C4BPA: variants seen among roughly 807,000 people sequenced by gnomAD.
C4BPA encodes C4b-binding protein alpha chain.
A neutral mutation model predicts 63.7 loss-of-function variants in C4BPA; 31 were observed. The observed-to-expected ratio is 0.49, with a 90% CI of 0.37 to 0.66. The LOEUF (loss-of-function observed/expected upper bound fraction) is 0.66. Among genes scored for constraint, C4BPA ranks in the 30% least tolerant of loss-of-function variants. C4BPA has a pLI of 0.00. For missense variants in C4BPA, 572 were observed against 723.3 expected, an observed-to-expected ratio of 0.79 and a Z score of 2.40; for synonymous variants, 259 against 254.7, an observed-to-expected ratio of 1.02 and a Z score of -0.16.
At chr1:207,137,797 T>C (rs1685320194) in intron 9 of C4BPA, among the ~76,000 whole-genome samples, 1 of 152,196 alleles carries the variant, frequency 6.6e-6, no homozygotes, top group South Asian at 2.1e-4. Flanking sequence ...TTTGTATTTT[T>C]AGTAGAGACA....
At chr1:207,128,107 C>A (rs1367655900) in intron 7 of C4BPA, among the ~76,000 whole-genome samples, 4 of 152,114 alleles carry the variant, frequency 2.6e-5, no homozygotes, top group Non-Finnish European at 5.9e-5. Flanking sequence ...CTCTATGTTG[C>A]ACGAGAACTA....
chr1:207,118,179 A>C (rs900311426), intron 4 of C4BPA, among the ~76,000 whole-genome samples: 14 of 101,014 alleles, frequency 1.4e-4, no homozygotes, highest in Admixed American at 8.5e-4. Flanking sequence ...ATCTATCTAT[A>C]TCTATCTATC....
chr1:207,123,013 G>A (rs1395526791), intron 4 of C4BPA, among the ~76,000 whole-genome samples: 1 of 151,802 alleles, frequency 6.6e-6, no homozygotes, highest in Admixed American at 6.6e-5. Flanking sequence ...TTTCATTTTT[G>A]TTGATTTTCT....
chr1:207,106,819 C>T (rs113363252), intron 1 of C4BPA, among the ~76,000 whole-genome samples: 40 of 152,200 alleles, frequency 2.6e-4, no homozygotes, highest in African/African-American at 7.0e-4. Flanking sequence ...GAAATCTCTG[C>T]GAAATAAGGA....
chr1:207,134,666 T>C lies in C4BPA; in HGVS notation c.1273+74T>C, dbSNP rs188143711. On this transcript the variant is annotated intron_variant, in intron 9 of 11. Transcript: ENST00000367070. Reference sequence around the variant, plus strand: ...GTGATGGAGATTATTAAGAGAAGGTTTAAAATTAGGTAAAAAAATTCATAT... The same window carrying C: ...GTGATGGAGATTATTAAGAGAAGGTCTAAAATTAGGTAAAAAAATTCATAT... The C allele has an allele frequency of 4.5e-6, 5 of 1,109,384 alleles. No individual in the cohort carries two copies. The African/African-American group carries it at 7.9e-5, about 18-fold the overall frequency. The allele number at this position is 1,109,384 out of a possible 1,614,324, so 68.7% of individuals were successfully genotyped here.
intron 1 of C4BPA, among the ~76,000 whole-genome samples, chr1:207,105,584 A>AT (rs1491489619): frequency 6.6e-6 from 1 of 151,064 alleles, no homozygotes. Flanking sequence ...GAAAAAAAAA[A>AT]GAGATTCTAG....
At chr1:207,125,717 C>A (rs1685025378) in intron 6 of C4BPA, among the ~76,000 whole-genome samples, 1 of 152,060 alleles carries the variant, frequency 6.6e-6, no homozygotes, top group Admixed American at 6.6e-5. Flanking sequence ...TCCCAGCCTC[C>A]AGAACTGTGA....
chr1:207,144,009 C>G lies in C4BPA; in HGVS notation c.1620+16C>G. On this transcript the variant is annotated intron_variant, in intron 11 of 11. Coordinates refer to ENST00000367070, the MANE Select transcript of C4BPA (RefSeq NM_000715.4). ...GTGTGAGTGGGTAAGTGGCACAATTCAAGGAAGTTCTGTGCTGTCGACCCC... is the reference window on the plus strand; with the variant it reads ...GTGTGAGTGGGTAAGTGGCACAATTGAAGGAAGTTCTGTGCTGTCGACCCC... The G allele has an allele frequency of 6.5e-7, 1 of 1,548,016 alleles. No individual in the cohort carries two copies. The highest frequency in any genetic ancestry group is 8.7e-7 in the Non-Finnish European group (1 of 1,150,284).
At chr1:207,106,809 G>A (rs1032290286) in intron 1 of C4BPA, among the ~76,000 whole-genome samples, 1 of 152,220 alleles carries the variant, frequency 6.6e-6, no homozygotes, top group East Asian at 1.9e-4. Flanking sequence ...GGCAGTGAAA[G>A]AAATCTCTGC....
chr1:207,116,700 A>T (rs1384610578), intron 4 of C4BPA, among the ~76,000 whole-genome samples: 1 of 151,348 alleles, frequency 6.6e-6, no homozygotes, highest in Non-Finnish European at 1.5e-5. Context: ...TATAAGGTTT[A>T]AAAAAAATCG....
In C4BPA at chr1:207,126,760, G is replaced by A. The variant is rs774887140; in HGVS notation, c.754G>A (p.Gly252Arg). ...TGTTTCACATGGGGAAATGGTCTCT[G>A]GATTTGGACCCATCTATAATTACAA... Reference protein sequence around the residue: ...PDVSHGEMVSGFGPIYNYKDT... With the variant: ...PDVSHGEMVSRFGPIYNYKDT... The change falls in exon 7 of 12, where the codon GGA (glycine) becomes AGA (arginine). Residue 252 changes from glycine to arginine, a missense_variant. By Grantham distance (125) the Gly-to-Arg change is moderately radical (BLOSUM62 -2). Around this residue, in one of 2 missense-constraint regions of C4BPA, gnomAD observed 465 missense variants for 629.4 expected, o/e 0.74. Coordinates refer to ENST00000367070, the MANE Select transcript of C4BPA (RefSeq NM_000715.4). 5.6e-6 allele frequency: 9 copies of A among 1,612,170 alleles called. No individual in the cohort carries two copies. Among genetic ancestry groups the A allele is most frequent in the Non-Finnish European group, 7.6e-6 (9 of 1,178,922 alleles).
chr1:207,115,244 T>C (rs1327270519), intron 3 of C4BPA, among the ~76,000 whole-genome samples, 172 bp from the exon 4 acceptor site: 1 of 152,176 alleles, frequency 6.6e-6, no homozygotes, highest in Admixed American at 6.5e-5. Flanking sequence ...GAAAAAAAGG[T>C]GATCAAATTT....
rs1313384883 is a variant in C4BPA, at chr1:207,105,709, C to G, written c.-26+1279C>G. 5.3e-5 allele frequency among the ~76,000 whole-genome samples: 8 copies of G among 152,116 alleles called. No individual in the cohort carries two copies. In the East Asian group the frequency reaches 1.5e-3, roughly 29 times the overall value. On this transcript the variant is annotated intron_variant, in intron 1 of 11. Coordinates refer to ENST00000367070, the MANE Select transcript of C4BPA (RefSeq NM_000715.4). ...CCCGAGACTGGAGAAAAATACTATC[C>G]TTTCACAAGGTATCTGCATTTTAAA...
At chr1:207,111,392 G>T (rs1684664671) in intron 1 of C4BPA, among the ~76,000 whole-genome samples, 1 of 152,220 alleles carries the variant, frequency 6.6e-6, no homozygotes, top group African/African-American at 2.4e-5. Flanking sequence ...CGTATTGGCA[G>T]AATTGCCCCG....
At chr1:207,135,768 C>T (rs954825115) in intron 9 of C4BPA, among the ~76,000 whole-genome samples, 1 of 152,242 alleles carries the variant, frequency 6.6e-6, no homozygotes, top group Admixed American at 6.5e-5. Flanking sequence ...CCAGCTGGCA[C>T]TTCAACTGTG....
intron 7 of C4BPA, among the ~76,000 whole-genome samples, chr1:207,129,952 G>C (rs1435470948): frequency 6.6e-6 from 1 of 151,978 alleles, no homozygotes; most frequent in African/African-American, 2.4e-5. Context: ...ATACAGCTTT[G>C]TTCCCTCCTA....
intron 9 of C4BPA, among the ~76,000 whole-genome samples, chr1:207,139,440 T>C (rs998184262): frequency 6.6e-6 from 1 of 152,164 alleles, no homozygotes; most frequent in Non-Finnish European, 1.5e-5. Context: ...GTGGTGTTTT[T>C]TTCTTTAAAT....
At chr1:207,116,366 G>GT (rs11406457) in intron 4 of C4BPA, among the ~76,000 whole-genome samples, 90,798 of 151,454 alleles carry the variant, frequency 0.6, 28,114 homozygotes, top group East Asian at 0.74. Context: ...CCTGGTTGTT[G>GT]TTTTTTTTCC....
At chr1:207,136,539 G>T (rs542937590) in intron 9 of C4BPA, among the ~76,000 whole-genome samples, 1 of 152,194 alleles carries the variant, frequency 6.6e-6, no homozygotes, top group South Asian at 2.1e-4. Context: ...TCCTAATTTA[G>T]CCTATCCTTA....
Sources: gnomAD v4.1 joint callset for allele counts (sites outside exome capture counted in the v4.1 genomes callset) on GRCh38, gnomAD v4.1.1 for gene constraint, gnomAD v4.1.1 regional missense constraint, MANE v1.5 for transcripts, NCBI Gene and HGNC (gene_info 2026-07-23, HGNC 2026-07-21) for gene names.